EIF5B: variants seen among roughly 807,000 people sequenced by gnomAD.
The protein encoded by EIF5B is eukaryotic translation initiation factor 5B.
Under a neutral mutation model 147.5 loss-of-function variants are expected in EIF5B, and 47 were observed. That is an observed-to-expected ratio of 0.32 (90% confidence interval 0.25 to 0.41). The LOEUF (loss-of-function observed/expected upper bound fraction) is 0.41. Among genes scored for constraint, EIF5B ranks in the 10% least tolerant of loss-of-function variants. The probability of loss-of-function intolerance (pLI) is 1.00; values close to 1 mark genes in which losing one functional copy is unlikely to be tolerated. For missense variants in EIF5B, 1,064 were observed against 1,413.2 expected, an observed-to-expected ratio of 0.75 and a Z score of 3.96; for synonymous variants, 455 against 456.2, an observed-to-expected ratio of 1.00 and a Z score of 0.03.
chr2:99,396,698 G>A, intron 21 of EIF5B, 62 bp from the exon 22 acceptor site: 6 of 1,529,448 alleles, frequency 3.9e-6, no homozygotes, highest in Non-Finnish European at 5.2e-6. Flanking sequence ...TTCAGCTGCA[G>A]TTTTTCTTTT....
intron 11 of EIF5B, 70 bp from the exon 12 acceptor site, chr2:99,379,248 A>C: frequency 6.8e-7 from 1 of 1,466,456 alleles, no homozygotes; most frequent in Non-Finnish European, 9.3e-7. Flanking sequence ...TAAGTTGCTA[A>C]TTTCTTATTA....
Position 99,390,298 on chromosome 2 carries a change from G to A in EIF5B, c.2483G>A (p.Gly828Asp). 6.2e-7 allele frequency: 1 copy of A among 1,614,114 alleles called. No homozygotes were observed. The highest frequency in any genetic ancestry group is 8.5e-7 in the Non-Finnish European group (1 of 1,180,014). ...VSLVPTSAHT[G>D]DGMGSLIYLL... ...TTGGTACCTACCTCTGCACATACTG[G>A]TGATGGCATGGGAAGTCTGATCTAC... The change falls in exon 16 of 24, where the codon GGT (glycine) becomes GAT (aspartate). Residue 828 changes from glycine to aspartate, a missense_variant. By Grantham distance (94) the Gly-to-Asp change is moderately conservative. Transcript: ENST00000289371.
chr2:99,371,555 C>A, intron 8 of EIF5B, 101 bp from the exon 9 acceptor site: 69 of 796,550 alleles, frequency 8.7e-5, no homozygotes, highest in South Asian at 2.1e-4. Flanking sequence ...ATAATTAAAA[C>A]ATTCTTTTTT....
Position 99,361,654 on chromosome 2 carries a change from G to C in EIF5B, c.753G>C (p.Arg251=), listed in dbSNP as rs1429278357. The C allele has an allele frequency of 6.3e-7, 1 of 1,597,644 alleles. No homozygotes were observed. The highest frequency in any genetic ancestry group is 1.2e-5 in the South Asian group (1 of 86,500). Residue 251 remains arginine (R), a synonymous_variant, in exon 4 of 24, where the codon CGG becomes CGC. Transcript: ENST00000289371. ...GAGATGAAGAAAAAGCGAAACTGCG[G>C]AAGCTGAAAGAAAAAGAAGAGTTAG... The part of the protein sequence containing the change: ...KKRDEEKAKL[R]KLKEKEELET...
At chr2:99,384,535 T>C (rs965564387) in intron 14 of EIF5B, among the ~76,000 whole-genome samples, 1 of 152,222 alleles carries the variant, frequency 6.6e-6, no homozygotes, top group Non-Finnish European at 1.5e-5. Context: ...CTGCCATAGA[T>C]CGAGATTCCT....
At position 99,382,183 on chromosome 2, in the gene EIF5B, C is replaced by T. The variant is rs1674704985; in HGVS notation, c.2086C>T (p.Pro696Ser). The change falls in exon 13 of 24, where the codon CCA (proline) becomes TCA (serine). Residue 696 changes from proline (P) to serine (S), a missense_variant. Pro to Ser is a moderately conservative substitution (Grantham distance 74, BLOSUM62 -1). Coordinates refer to ENST00000289371, the MANE Select transcript of EIF5B (RefSeq NM_015904.4). ...KNFDRENVRI[P>S]GMLIIDTPGH... is the part of the protein sequence containing the mutation. The stretch of plus-strand genomic sequence containing the variant: ...GTTTGATAGAGAGAATGTACGGATT[C>T]CAGGAATGCTAATTATTGATACTCC... 6.2e-7 allele frequency: 1 copy of T among 1,612,764 alleles called. No individual in the cohort carries two copies. Among genetic ancestry groups the T allele is most frequent in the Admixed American group, 1.7e-5 (1 of 59,972 alleles).
intron 6 of EIF5B, among the ~76,000 whole-genome samples, chr2:99,366,514 C>A (rs1375829152): frequency 6.6e-6 from 1 of 152,030 alleles, no homozygotes; most frequent in Non-Finnish European, 1.5e-5. Context: ...TCAGTACATG[C>A]ACAACACACA....
intron 3 of EIF5B, 46 bp downstream of exon 3, chr2:99,360,595 C>G (rs756620581): frequency 1.3e-6 from 2 of 1,574,688 alleles, no homozygotes; most frequent in Non-Finnish European, 1.7e-6. Context: ...GTATTCTATT[C>G]TTTCTTCTTA....
intron 14 of EIF5B, chr2:99,389,502 G>A: frequency 9.3e-6 from 3 of 323,790 alleles, no homozygotes; most frequent in Non-Finnish European, 1.7e-5. Context: ...AACTCATGGA[G>A]GCTGACAGGG....
intron 9 of EIF5B, among the ~76,000 whole-genome samples, chr2:99,371,986 GT>G (rs1333513329): frequency 1.1e-5 from 1 of 90,904 alleles, no homozygotes; most frequent in East Asian, 2.3e-4. Flanking sequence ...GAGTGATGAT[GT>G]TACAAAATAG....
At chr2:99,344,551 C>T (rs1265864555) in intron 1 of EIF5B, among the ~76,000 whole-genome samples, 1 of 152,084 alleles carries the variant, frequency 6.6e-6, no homozygotes, top group Admixed American at 6.5e-5. Flanking sequence ...ATTCTTCTGC[C>T]TCAGCCTCCG....
intron 18 of EIF5B, among the ~76,000 whole-genome samples, chr2:99,393,608 T>TA (rs572546239): frequency 6.7e-4 from 102 of 152,240 alleles, no homozygotes; most frequent in African/African-American, 2.4e-3. Flanking sequence ...AAAGAGAAAA[T>TA]ACAACTGTTC....
chr2:99,383,477 C>T (rs943049909), intron 14 of EIF5B, among the ~76,000 whole-genome samples: 5 of 152,148 alleles, frequency 3.3e-5, no homozygotes, highest in African/African-American at 1.2e-4. Context: ...GGAGGAGTCA[C>T]ACATAGAATA....
intron 6 of EIF5B, 81 bp downstream of exon 6, chr2:99,364,502 GGAAT>G: frequency 7.4e-7 from 1 of 1,345,960 alleles, no homozygotes; most frequent in Non-Finnish European, 9.9e-7. Flanking sequence ...GAAGGAGAAT[GGAAT>G]TTGCATCAGG....
intron 21 of EIF5B, among the ~76,000 whole-genome samples, chr2:99,395,829 G>A (rs1479517886): frequency 6.6e-6 from 1 of 152,170 alleles, no homozygotes; most frequent in African/African-American, 2.4e-5. Context: ...GCAGTGCGAG[G>A]CAGAGTGACC....
chr2:99,339,006 A>AAATATATATATATATATACATT (rs1559240279), intron 1 of EIF5B, among the ~76,000 whole-genome samples: 18 of 137,188 alleles, frequency 1.3e-4, no homozygotes, highest in East Asian at 2.0e-4. Flanking sequence ...ATATATATAC[A>AAATATATATATATATATACATT]TTTTTTTTTT....
chr2:99,383,693 C>T (rs574672130), intron 14 of EIF5B, among the ~76,000 whole-genome samples: 11 of 152,284 alleles, frequency 7.2e-5, no homozygotes, highest in African/African-American at 2.6e-4. Context: ...ACAGAAGCTG[C>T]AACAAGTTAT....
At chr2:99,384,778 G>A (rs1674765721) in intron 14 of EIF5B, among the ~76,000 whole-genome samples, 1 of 152,236 alleles carries the variant, frequency 6.6e-6, no homozygotes, top group African/African-American at 2.4e-5. Flanking sequence ...AGTGGAACCA[G>A]AAGATGTAGC....
intron 1 of EIF5B, among the ~76,000 whole-genome samples, chr2:99,354,796 C>CTTTTTTTTTTTTTT (rs57735386): frequency 1.2e-5 from 1 of 80,034 alleles, no homozygotes; most frequent in Non-Finnish European, 2.3e-5. Flanking sequence ...ATTGGTTGTA[C>CTTTTTTTTTTTTTT]TTTTTTTTTT....
Sources: allele counts gnomAD v4.1 joint callset (sites outside exome capture counted in the v4.1 genomes callset), GRCh38; gene constraint gnomAD v4.1.1; transcripts MANE v1.5; gene names NCBI Gene and HGNC (gene_info 2026-07-23, HGNC 2026-07-21).